Variants in RPRD2 observed in about 807,000 individuals in gnomAD.
The protein encoded by RPRD2 is regulation of nuclear pre-mRNA domain-containing protein 2.
RPRD2 carries 12 observed loss-of-function variants against 104.4 expected under a neutral mutation model. The observed-to-expected ratio is 0.11, with a 90% CI of 0.07 to 0.19. The LOEUF (loss-of-function observed/expected upper bound fraction) is 0.19, where lower values mean the gene tolerates loss of function less well. Among genes scored for constraint, RPRD2 ranks in the 10% least tolerant of loss-of-function variants. The probability of loss-of-function intolerance (pLI) is 1.00; values close to 1 mark genes in which losing one functional copy is unlikely to be tolerated. For missense variants in RPRD2, 1,543 were observed against 1,790.1 expected (o/e 0.86, Z 2.49); for synonymous variants, 714 against 684.9 (o/e 1.04, Z -0.66).
intron 1 of RPRD2, among the ~76,000 whole-genome samples, chr1:150,395,452 G>T (rs1381847229): frequency 6.6e-6 from 1 of 150,792 alleles, no homozygotes; most frequent in Non-Finnish European, 1.5e-5. Flanking sequence ...TGGGCATTTG[G>T]GTTGATTTCA....
At chr1:150,371,760 C>T (rs1553878388) in intron 1 of RPRD2, among the ~76,000 whole-genome samples, 1 of 152,136 alleles carries the variant, frequency 6.6e-6, no homozygotes, top group Non-Finnish European at 1.5e-5. Context: ...TCTTGATCTA[C>T]AGTATACACT....
At chr1:150,425,817 AAAGT>A (rs1665083292) in intron 2 of RPRD2, among the ~76,000 whole-genome samples, 1 of 151,452 alleles carries the variant, frequency 6.6e-6, no homozygotes, top group South Asian at 2.1e-4. Flanking sequence ...TGAACATTAA[AAAGT>A]AAGAGAGGGC....
intron 1 of RPRD2, among the ~76,000 whole-genome samples, chr1:150,388,375 C>CATGTATATACGT (rs1661774644): frequency 1.4e-5 from 2 of 142,962 alleles, no homozygotes; most frequent in Non-Finnish European, 3.0e-5. Context: ...CATGTATACA[C>CATGTATATACGT]ATATACACGT....
chr1:150,379,936 C>T (rs1661004045), intron 1 of RPRD2, among the ~76,000 whole-genome samples: 1 of 152,214 alleles, frequency 6.6e-6, no homozygotes, highest in Non-Finnish European at 1.5e-5. Context: ...GTTTCTGAAA[C>T]CAAAATATAG....
chr1:150,410,105 G>C (rs1553887360), intron 1 of RPRD2, among the ~76,000 whole-genome samples: 1 of 152,126 alleles, frequency 6.6e-6, no homozygotes, highest in African/African-American at 2.4e-5. Context: ...GACTCACCCA[G>C]GTGTGTTGGA....
At chr1:150,446,169 C>CT in intron 6 of RPRD2, 57 bp from the exon 7 acceptor site, 1 of 1,300,154 alleles carries the variant, frequency 7.7e-7, no homozygotes, top group Non-Finnish European at 1.0e-6. Context: ...AGTCAAAAGA[C>CT]TAAATTTTTT....
intron 1 of RPRD2, among the ~76,000 whole-genome samples, chr1:150,401,134 G>C (rs587608071): frequency 7.2e-5 from 11 of 151,952 alleles, no homozygotes; most frequent in Non-Finnish European, 4.4e-5. Context: ...CCGAGATCAC[G>C]CCACTGCACT....
intron 1 of RPRD2, among the ~76,000 whole-genome samples, chr1:150,381,179 A>G (rs1661099098): frequency 6.6e-6 from 1 of 151,586 alleles, no homozygotes; most frequent in Admixed American, 6.6e-5. Context: ...TCCCAGCGCT[A>G]TGGTAGGCCA....
rs1273713206 is a variant in RPRD2, at chr1:150,464,740, T to C, written c.1612+13T>C. ...CCTGCACTGCAAGGTAACTGACATATGCCAGAGGGACTCGAATTGTGAATG... is the reference window on the plus strand; with the variant it reads ...CCTGCACTGCAAGGTAACTGACATACGCCAGAGGGACTCGAATTGTGAATG... On this transcript the variant is annotated intron_variant, in intron 10 of 10. Transcript: ENST00000369068. 8 of 1,597,038 alleles carry C rather than the reference T, an allele frequency of 5.0e-6. No individual in the cohort carries two copies. The African/African-American group carries it at 9.4e-5, about 19-fold the overall frequency.
intron 7 of RPRD2, among the ~76,000 whole-genome samples, chr1:150,456,680 T>A (rs970651908): frequency 6.6e-6 from 1 of 151,334 alleles, no homozygotes; most frequent in African/African-American, 2.4e-5. Flanking sequence ...ATCCCAGCAC[T>A]TTGGGAGGCC....
Position 150,470,703 on chromosome 1 carries a change from T to G in RPRD2, c.1755T>G (p.Phe585Leu), listed in dbSNP as rs752183120. The G allele has an allele frequency of 1.9e-5, 31 of 1,613,932 alleles. No homozygotes were observed. The highest frequency in any genetic ancestry group is 2.5e-5 in the Non-Finnish European group (30 of 1,179,914). Reference protein sequence around the residue: ...GRNLPSSAQPFIPKSFNYSPN... With the variant: ...GRNLPSSAQPLIPKSFNYSPN... ...ATCTGCCCTCCAGTGCCCAACCTTT[T>G]ATTCCCAAAAGCTTCAACTATTCTC... Residue 585 changes from phenylalanine (F) to leucine (L), a missense_variant, in exon 11 of 11, where the codon TTT becomes TTG. Around this residue, in one of 4 missense-constraint regions of RPRD2, gnomAD observed 572 missense variants for 787.3 expected, o/e 0.73. Coordinates refer to ENST00000369068, the MANE Select transcript of RPRD2 (RefSeq NM_015203.5).
intron 1 of RPRD2, among the ~76,000 whole-genome samples, chr1:150,367,720 CTTCT>C (rs1237039301): frequency 2.0e-5 from 3 of 150,948 alleles, no homozygotes; most frequent in Non-Finnish European, 4.4e-5. Flanking sequence ...TTATTTTATC[CTTCT>C]TTACTTTTTT....
chr1:150,408,675 C>T (rs1461034123), intron 1 of RPRD2, among the ~76,000 whole-genome samples: 4 of 152,170 alleles, frequency 2.6e-5, no homozygotes, highest in African/African-American at 9.7e-5. Context: ...CACTAACTCT[C>T]ATGCAAGCAT....
chr1:150,433,259 A>G (rs1435263071), intron 2 of RPRD2, among the ~76,000 whole-genome samples: 1 of 151,886 alleles, frequency 6.6e-6, no homozygotes, highest in African/African-American at 2.4e-5. Flanking sequence ...CATTGATAGA[A>G]AGTAGCTGTC....
At chr1:150,409,583 GT>G (rs1218677242) in intron 1 of RPRD2, among the ~76,000 whole-genome samples, 5 of 150,428 alleles carry the variant, frequency 3.3e-5, no homozygotes, top group African/African-American at 1.2e-4. Context: ...GGAAAATTAT[GT>G]GTTATTTGGG....
intron 9 of RPRD2, among the ~76,000 whole-genome samples, chr1:150,462,847 A>G (rs1668028271): frequency 6.6e-6 from 1 of 152,066 alleles, no homozygotes; most frequent in African/African-American, 2.4e-5. Flanking sequence ...GAGCCACCGC[A>G]TCCGGCCATT....
chr1:150,439,028 T>G (rs1420964924), intron 2 of RPRD2, among the ~76,000 whole-genome samples: 1 of 151,692 alleles, frequency 6.6e-6, no homozygotes, highest in South Asian at 2.1e-4. Context: ...AGAGACGGGG[T>G]TTCACCATGT....
At chr1:150,450,349 G>A (rs369758997) in intron 7 of RPRD2, among the ~76,000 whole-genome samples, 9 of 152,094 alleles carry the variant, frequency 5.9e-5, no homozygotes, top group African/African-American at 1.9e-4. Context: ...GCTCACGCCT[G>A]TAATCCCAGC....
At position 150,364,758 on chromosome 1, in the gene RPRD2, C is replaced by T. The variant is rs782386831; in HGVS notation, c.44C>T (p.Ser15Leu). 1.9e-6 allele frequency: 3 copies of T among 1,602,576 alleles called. No individual in the cohort carries two copies. The highest frequency in any genetic ancestry group is 3.5e-5 in the Admixed American group (2 of 57,390). The change falls in exon 1 of 11, where the codon TCG becomes TTG. Residue 15 changes from serine (S) to leucine (L), a missense_variant. Coordinates refer to ENST00000369068, the MANE Select transcript of RPRD2 (RefSeq NM_015203.5). The stretch of plus-strand genomic sequence containing the variant: ...GGAGGCAGCAGTAAGGCCTCCTCCT[C>T]GTCGGCCTCTTCGGCAGGGGCTCTG... ...GGGGSSKASS[S>L]SASSAGALES...
Sources: allele counts gnomAD v4.1 joint callset (sites outside exome capture counted in the v4.1 genomes callset), GRCh38; gene constraint gnomAD v4.1.1; regional missense constraint gnomAD v4.1.1; transcripts MANE v1.5; gene names NCBI Gene and HGNC (gene_info 2026-07-23, HGNC 2026-07-21).